RGS6: variants seen among roughly 807,000 people sequenced by gnomAD.
RGS6 encodes the protein regulator of G-protein signaling 6.
Under a neutral mutation model 78.5 loss-of-function variants are expected in RGS6, and 30 were observed. That is an observed-to-expected ratio of 0.38 (90% CI 0.29 to 0.52). The LOEUF (loss-of-function observed/expected upper bound fraction) is 0.52, where lower values mean the gene tolerates loss of function less well. Among genes scored for constraint, RGS6 ranks in the 20% least tolerant of loss-of-function variants. The pLI is 0.85. For synonymous variants in RGS6, 206 were observed against 206.0 expected, an observed-to-expected ratio of 1.00 and a Z score of 0.00; for missense variants, 495 against 609.7, an observed-to-expected ratio of 0.81 and a Z score of 1.98.
At chr14:72,376,853 G>A (rs74457848) in intron 3 of RGS6, among the ~76,000 whole-genome samples, 4 of 152,094 alleles carry the variant, frequency 2.6e-5, no homozygotes, top group Middle Eastern at 3.4e-3. Flanking sequence ...ATCTAGAAGC[G>A]AAAAGACAAT....
At chr14:72,627,276 G>A in the RGS6 span, among the ~76,000 whole-genome samples, 5 of 152,026 alleles carry the variant, frequency 3.3e-5, no homozygotes, top group Admixed American at 2.0e-4. Context: ...GTACTAGCGT[G>A]GTTTTACTTT....
At chr14:71,892,166 C>T in the RGS6 span, among the ~76,000 whole-genome samples, 1 of 152,144 alleles carries the variant, frequency 6.6e-6, no homozygotes, top group Non-Finnish European at 1.5e-5. Context: ...GAAATTCCTT[C>T]ACAACAAAAC....
At chr14:72,336,413 G>A (rs1567788722) in intron 2 of RGS6, among the ~76,000 whole-genome samples, 1 of 152,070 alleles carries the variant, frequency 6.6e-6, no homozygotes, top group Non-Finnish European at 1.5e-5. Flanking sequence ...ACTATATGTT[G>A]TGTGGCTTAC....
At chr14:72,432,821 T>A (rs7160223) in intron 3 of RGS6, among the ~76,000 whole-genome samples, 57,641 of 152,122 alleles carry the variant, frequency 0.38, 12,235 homozygotes, top group East Asian at 0.77. Context: ...GGACCATGTT[T>A]CTAAGAGTAG....
At chr14:72,383,854 G>C (rs997367284) in intron 3 of RGS6, among the ~76,000 whole-genome samples, 1 of 152,114 alleles carries the variant, frequency 6.6e-6, no homozygotes, top group Non-Finnish European at 1.5e-5. Flanking sequence ...AACAAAATTT[G>C]ATCTGCTGTA....
intron 2 of RGS6, among the ~76,000 whole-genome samples, chr14:72,186,344 A>G (rs2097247050): frequency 6.6e-6 from 1 of 152,266 alleles, no homozygotes; most frequent in Admixed American, 6.5e-5. Context: ...AGTTCTGTAT[A>G]GTACACCACC....
chr14:72,069,129 G>A lies in RGS6; in HGVS notation c.84+104254G>A, dbSNP rs1393563278. ...TGGGATTACAGGTGCATGCCACCAC[G>A]CCTGGCTAATATTTTGTATTTTTAG... is the stretch of plus-strand genomic sequence containing the variant. On this transcript the variant is annotated intron_variant, in intron 2 of 17. Transcript: ENST00000553525. Among the ~76,000 whole-genome samples, 5 of 151,762 alleles carry A rather than the reference G, an allele frequency of 3.3e-5. No homozygotes were observed. In the East Asian group the frequency reaches 5.9e-4, roughly 18 times the overall value.
At chr14:72,591,911 C>T in the RGS6 span, among the ~76,000 whole-genome samples, 1 of 152,234 alleles carries the variant, frequency 6.6e-6, no homozygotes, top group Non-Finnish European at 1.5e-5. Flanking sequence ...ACTCCCTCTT[C>T]TCCCGTCTCC....
At chr14:72,400,458 A>G (rs1439925676) in intron 3 of RGS6, among the ~76,000 whole-genome samples, 2 of 152,176 alleles carry the variant, frequency 1.3e-5, no homozygotes, top group Non-Finnish European at 2.9e-5. Context: ...TCATTCATTC[A>G]ACCAGTGTTT....
intron 2 of RGS6, among the ~76,000 whole-genome samples, chr14:72,055,594 G>A (rs942826855): frequency 2.0e-5 from 3 of 151,966 alleles, no homozygotes; most frequent in African/African-American, 7.2e-5. Context: ...GCTAATGTCT[G>A]GACCCCACCT....
At chr14:71,903,456 A>C in the RGS6 span, among the ~76,000 whole-genome samples, 111 of 152,316 alleles carry the variant, frequency 7.3e-4, 1 homozygote, top group South Asian at 7.0e-3. Context: ...AGGTCATGGG[A>C]ATTAACAGAT....
At chr14:72,557,907 G>A (rs1295280828) in intron 17 of RGS6, among the ~76,000 whole-genome samples, 1 of 152,170 alleles carries the variant, frequency 6.6e-6, no homozygotes, top group South Asian at 2.1e-4. Context: ...CCAAACCCAG[G>A]GATGGGCCCA....
chr14:72,242,008 C>A (rs2052986958), intron 2 of RGS6, among the ~76,000 whole-genome samples: 1 of 152,202 alleles, frequency 6.6e-6, no homozygotes, highest in African/African-American at 2.4e-5. Context: ...CCTATTTTAT[C>A]TCAACGCTTC....
intron 3 of RGS6, among the ~76,000 whole-genome samples, chr14:72,356,732 T>C (rs1444418145): frequency 6.6e-6 from 1 of 152,214 alleles, no homozygotes; most frequent in Non-Finnish European, 1.5e-5. Context: ...TCTGATGATT[T>C]CATAAGGGGC....
chr14:72,618,153 C>A, the RGS6 span, among the ~76,000 whole-genome samples: 1 of 152,084 alleles, frequency 6.6e-6, no homozygotes, highest in African/African-American at 2.4e-5. Flanking sequence ...CCACCCTGGT[C>A]GTGAATAATG....
At chr14:72,602,765 T>C in the RGS6 span, among the ~76,000 whole-genome samples, 4 of 152,206 alleles carry the variant, frequency 2.6e-5, no homozygotes, top group African/African-American at 4.8e-5. Flanking sequence ...GCAATGTATA[T>C]TTTTAAACGG....
At chr14:72,029,533 T>A (rs17105962) in intron 2 of RGS6, among the ~76,000 whole-genome samples, 13,146 of 152,272 alleles carry the variant, frequency 0.086, 618 homozygotes, top group East Asian at 0.17. Context: ...TTGCCTCTTA[T>A]ACAGTCTGCA....
intron 2 of RGS6, among the ~76,000 whole-genome samples, chr14:72,345,412 G>A (rs946469491): frequency 3.3e-5 from 5 of 152,180 alleles, no homozygotes; most frequent in Non-Finnish European, 7.3e-5. Flanking sequence ...AGGCTTAGCC[G>A]AAAACAAATT....
At chr14:72,465,647 T>C (rs1597908504) in intron 6 of RGS6, 111 bp from the exon 7 acceptor site, 1 of 722,712 alleles carries the variant, frequency 1.4e-6, no homozygotes, top group East Asian at 2.8e-5. Flanking sequence ...GATGGATGGA[T>C]GGATGGATGG....
Sources: gnomAD v4.1 joint callset for allele counts (sites outside exome capture counted in the v4.1 genomes callset) on GRCh38, gnomAD v4.1.1 for gene constraint, MANE v1.5 for transcripts, NCBI Gene and HGNC (gene_info 2026-07-23, HGNC 2026-07-21) for gene names.